Variants in EXD3 observed in about 807,000 individuals in gnomAD.
EXD3 encodes the protein exonuclease mut-7 homolog.
A neutral mutation model predicts 98.0 loss-of-function variants in EXD3; 92 were observed. That is an observed-to-expected ratio of 0.94 (90% CI 0.79 to 1.12). EXD3 has a LOEUF of 1.12. Ranked by LOEUF, EXD3 falls within the 50% of genes most tolerant of loss-of-function variation. EXD3 has a pLI of 0.00. For missense variants in EXD3, 1,222 were observed against 1,191.6 expected, an observed-to-expected ratio of 1.03 and a Z score of -0.38; for synonymous variants, 569 against 526.0, an observed-to-expected ratio of 1.08 and a Z score of -1.12.
chr9:137,356,492 C>T (rs1834798954), intron 7 of EXD3, 124 bp from the exon 8 acceptor site: 1 of 672,446 alleles, frequency 1.5e-6, no homozygotes, highest in Non-Finnish European at 2.6e-6. Context: ...TAAGAAAATG[C>T]AGGCGTCACC....
At chr9:137,331,788 C>CAT (rs1564483333) in intron 17 of EXD3, among the ~76,000 whole-genome samples, 2 of 152,028 alleles carry the variant, frequency 1.3e-5, no homozygotes, top group East Asian at 3.9e-4. Context: ...TGGTGGTGCA[C>CAT]GCCTGTAGTC....
At chr9:137,414,381 C>T (rs1197342751) in intron 1 of EXD3, among the ~76,000 whole-genome samples, 2 of 152,228 alleles carry the variant, frequency 1.3e-5, no homozygotes, top group African/African-American at 2.4e-5. Flanking sequence ...GCCGCACCCC[C>T]TTGTCTGGCT....
At chr9:137,310,041 GGA>G (rs1002436731) in intron 19 of EXD3, among the ~76,000 whole-genome samples, 1 of 152,248 alleles carries the variant, frequency 6.6e-6, no homozygotes, top group Non-Finnish European at 1.5e-5. Context: ...CTGGCGTGTT[GGA>G]CACAGGGCCC....
rs560679830 is a variant in EXD3, at chr9:137,393,784, G to A, written c.55+1519C>T. Among the ~76,000 whole-genome samples the A allele has an allele frequency of 1.3e-5, 2 of 152,292 alleles. No homozygotes were observed. Among genetic ancestry groups the A allele is most frequent in the East Asian group, 3.9e-4 (2 of 5,184 alleles). Reference sequence around the variant, plus strand: ...GGAGGGGCTGCCAGGCAGGGCATGTGTAGGGTGGAACTGGGCAAAGGCCAG... The same window carrying A: ...GGAGGGGCTGCCAGGCAGGGCATGTATAGGGTGGAACTGGGCAAAGGCCAG... On this transcript the variant is annotated intron_variant, in intron 2 of 21. Coordinates refer to ENST00000340951, the MANE Select transcript of EXD3 (RefSeq NM_017820.5). This position sits in a 1 kb window ranked among gnomAD's most constrained non-coding sequence, Gnocchi z 4.6.
intron 1 of EXD3, among the ~76,000 whole-genome samples, chr9:137,404,510 G>A (rs1837625904): frequency 6.6e-6 from 1 of 152,232 alleles, no homozygotes; most frequent in Admixed American, 6.5e-5. Context: ...AATTATGCAT[G>A]TAATACAATA....
intron 5 of EXD3, among the ~76,000 whole-genome samples, chr9:137,368,949 G>A (rs917879722): frequency 1.8e-4 from 25 of 141,238 alleles, no homozygotes; most frequent in Admixed American, 1.1e-3. Flanking sequence ...TCTCAGGCCC[G>A]TGAGGAGGGG....
intron 6 of EXD3, 99 bp downstream of exon 6, chr9:137,367,837 T>TG (rs907973518): frequency 1.3e-4 from 157 of 1,204,914 alleles, no homozygotes; most frequent in Non-Finnish European, 1.8e-4. Context: ...TCCCCCACTG[T>TG]GGCTTGGTGG....
At chr9:137,353,969 C>A in intron 10 of EXD3, 2 of 1,081,148 alleles carry the variant, frequency 1.8e-6, no homozygotes, top group East Asian at 5.8e-5. Context: ...GCGCTGGCAC[C>A]GGGCTGGGGG....
chr9:137,395,538 G>A lies in EXD3; in HGVS notation c.-47-134C>T, dbSNP rs1213198999. The A allele has an allele frequency of 6.5e-6, 5 of 765,706 alleles. No homozygotes were observed. The highest frequency in any genetic ancestry group is 5.4e-5 in the East Asian group (2 of 37,098). The allele number at this position is 765,706 out of a possible 1,614,324, so 47.4% of individuals were successfully genotyped here. On this transcript the variant is annotated intron_variant, in intron 1 of 21. Coordinates refer to ENST00000340951, the MANE Select transcript of EXD3 (RefSeq NM_017820.5). The surrounding 1 kb of genome is among the most constrained non-coding windows in gnomAD (Gnocchi z 6.5). ...GGCCCAAGTGGGACCCCCAGTCGCT[G>A]AGCATAGCGGGCAGCTCCACACTCC...
intron 2 of EXD3, chr9:137,392,024 G>A (rs11497285): frequency 0.47 from 71,803 of 151,500 alleles, 17,148 homozygotes; most frequent in Middle Eastern, 0.56. Flanking sequence ...TAGTAGAGAC[G>A]GGGTTTCACC....
chr9:137,398,842 G>T (rs1425109587), intron 1 of EXD3, among the ~76,000 whole-genome samples: 1 of 133,744 alleles, frequency 7.5e-6, no homozygotes, highest in Non-Finnish European at 1.6e-5. Flanking sequence ...ACGTGCACCC[G>T]CATCCCCAAG....
chr9:137,361,181 G>A (rs1381312094), intron 7 of EXD3, among the ~76,000 whole-genome samples: 1 of 87,190 alleles, frequency 1.1e-5, no homozygotes, highest in African/African-American at 3.2e-5. Context: ...GACACTGGGT[G>A]CTTCCCTGAG....
At chr9:137,380,132 G>A (rs932119526) in intron 3 of EXD3, among the ~76,000 whole-genome samples, 3 of 151,818 alleles carry the variant, frequency 2.0e-5, no homozygotes, top group Non-Finnish European at 4.4e-5. Context: ...TGCGCTGCCT[G>A]CCTCCCTCCC....
rs765603709 is a variant in EXD3, at chr9:137,405,921, G to C, written c.-47-10517C>G. Among the ~76,000 whole-genome samples the C allele has an allele frequency of 3.3e-5, 5 of 152,200 alleles. No homozygotes were observed. Among genetic ancestry groups the C allele is most frequent in the Non-Finnish European group, 7.3e-5 (5 of 68,036 alleles). On this transcript the variant is annotated intron_variant, in intron 1 of 21. Transcript: ENST00000340951. The surrounding 1 kb of genome is among the most constrained non-coding windows in gnomAD (Gnocchi z 4.1). Reference sequence around the variant, plus strand: ...CAGAGGCCTCTGTGCTCTGAAGAGTGAATAAAACGTGAAACTGGCTGGGCA... The same window carrying C: ...CAGAGGCCTCTGTGCTCTGAAGAGTCAATAAAACGTGAAACTGGCTGGGCA...
At chr9:137,328,113 C>A (rs1285425902) in intron 17 of EXD3, among the ~76,000 whole-genome samples, 2 of 152,188 alleles carry the variant, frequency 1.3e-5, no homozygotes, top group African/African-American at 2.4e-5. Flanking sequence ...CTAATATACA[C>A]CCATATGATG....
chr9:137,379,583 G>A (rs1364105502), intron 3 of EXD3, among the ~76,000 whole-genome samples: 1 of 151,968 alleles, frequency 6.6e-6, no homozygotes, highest in African/African-American at 2.4e-5. Context: ...TCTGAAACCA[G>A]AAGAGGTGCA....
chr9:137,407,206 G>A lies in EXD3; in HGVS notation c.-47-11802C>T, dbSNP rs925040298. ...CGGCAGCGCCTCCTCCGTCTCAGCC[G>A]CGTCGGTCCCAGGCGCCTCCCCTAC... On this transcript the variant is annotated intron_variant, in intron 1 of 21. Transcript: ENST00000340951. This position sits in a 1 kb window ranked among gnomAD's most constrained non-coding sequence, Gnocchi z 4.4. Among the ~76,000 whole-genome samples, 11 of 152,258 alleles carry A rather than the reference G, an allele frequency of 7.2e-5. No individual in the cohort carries two copies. Among genetic ancestry groups the A allele is most frequent in the Admixed American group, 3.3e-4 (5 of 15,306 alleles).
intron 1 of EXD3, among the ~76,000 whole-genome samples, chr9:137,406,870 C>A (rs1268286408): frequency 4.6e-5 from 7 of 152,142 alleles, no homozygotes; most frequent in Admixed American, 6.5e-5. Context: ...GCCCGTCCCC[C>A]CTCAGCAGGC....
rs1422929617 is a variant in EXD3 at position 137,405,919 on chromosome 9, G to A, written c.-47-10515C>T. Among the ~76,000 whole-genome samples, 1 of 152,240 alleles carries A rather than the reference G, an allele frequency of 6.6e-6. No individual in the cohort carries two copies. Among genetic ancestry groups the A allele is most frequent in the East Asian group, 1.9e-4 (1 of 5,204 alleles). On this transcript the variant is annotated intron_variant, in intron 1 of 21. Transcript: ENST00000340951. This position sits in a 1 kb window ranked among gnomAD's most constrained non-coding sequence, Gnocchi z 4.1. ...GGCAGAGGCCTCTGTGCTCTGAAGA[G>A]TGAATAAAACGTGAAACTGGCTGGG... is the stretch of plus-strand genomic sequence containing the variant.
Sources: gnomAD v4.1 joint callset for allele counts (sites outside exome capture counted in the v4.1 genomes callset) on GRCh38, gnomAD v4.1.1 for gene constraint, Gnocchi (gnomAD v3.1) non-coding constraint, MANE v1.5 for transcripts, NCBI Gene and HGNC (gene_info 2026-07-23, HGNC 2026-07-21) for gene names.